Variants in TRIP12 observed in about 807,000 individuals in gnomAD.
TRIP12 encodes the protein E3 ubiquitin-protein ligase TRIP12.
TRIP12 carries 25 observed loss-of-function variants against 244.2 expected under a neutral mutation model. The observed-to-expected ratio is 0.10, with a 90% CI of 0.07 to 0.14. TRIP12 has a LOEUF of 0.14. Ranked by LOEUF, TRIP12 falls within the 10% of genes least tolerant of loss-of-function variation. The pLI is 1.00. For missense variants in TRIP12, 1,677 were observed against 2,486.4 expected, an observed-to-expected ratio of 0.67 and a Z score of 6.92; for synonymous variants, 905 against 873.1, an observed-to-expected ratio of 1.04 and a Z score of -0.64.
At chr2:229,813,374 T>C (rs1013686777) in intron 13 of TRIP12, among the ~76,000 whole-genome samples, 27 of 152,210 alleles carry the variant, frequency 1.8e-4, no homozygotes, top group African/African-American at 6.3e-4. Flanking sequence ...TGAATAAATC[T>C]ACCAAAATTT....
chr2:229,875,011 A>G (rs1050370086), intron 2 of TRIP12, among the ~76,000 whole-genome samples: 4 of 152,208 alleles, frequency 2.6e-5, no homozygotes, highest in African/African-American at 9.6e-5. Flanking sequence ...GAACTGGAAA[A>G]GGCTAGGTAG....
At chr2:229,874,258 C>T (rs769995549) in intron 2 of TRIP12, among the ~76,000 whole-genome samples, 8 of 151,916 alleles carry the variant, frequency 5.3e-5, no homozygotes, top group Non-Finnish European at 1.0e-4. Context: ...ATTCTTTTTC[C>T]CCACAAACTT....
In TRIP12 at chr2:229,859,549, T is replaced by C. The variant is rs373990630; in HGVS notation, c.250A>G (p.Ile84Val). ...TCTGGATCCTCTGGTTGTGGAACTATCACAGCAGATGATGAACTGCAGCTT... is the reference window on the plus strand; with the variant it reads ...TCTGGATCCTCTGGTTGTGGAACTACCACAGCAGATGATGAACTGCAGCTT... Reference protein sequence around the residue: ...KRSCSSSSAVIVPQPEDPDRA... With the variant: ...KRSCSSSSAVVVPQPEDPDRA... The change falls in exon 4 of 42, where the codon ATA (isoleucine) becomes GTA (valine). Residue 84 changes from isoleucine to valine, a missense_variant. Ile to Val is a conservative substitution (Grantham distance 29, BLOSUM62 3). This residue lies in a region of TRIP12 where 387 missense variants were observed against 392.6 expected (regional missense o/e 0.99). Coordinates refer to ENST00000675903, the MANE Select transcript of TRIP12 (RefSeq NM_001348323.3). 6.2e-7 allele frequency: 1 copy of C among 1,613,480 alleles called. No individual in the cohort carries two copies. The highest frequency in any genetic ancestry group is 1.3e-5 in the African/African-American group (1 of 74,872).
chr2:229,856,279 A>C (rs1317959919), intron 4 of TRIP12, among the ~76,000 whole-genome samples: 2 of 152,190 alleles, frequency 1.3e-5, no homozygotes, highest in East Asian at 3.9e-4. Context: ...AATAATGGTG[A>C]AATGAGTTTT....
chr2:229,821,233 C>A (rs149413923), intron 8 of TRIP12, among the ~76,000 whole-genome samples: 340 of 152,246 alleles, frequency 2.2e-3, no homozygotes, highest in African/African-American at 7.9e-3. Context: ...AAGATCCCAC[C>A]AGTTTTACCC....
chr2:229,820,447 G>A (rs1399599343), intron 8 of TRIP12, among the ~76,000 whole-genome samples: 2 of 152,078 alleles, frequency 1.3e-5, no homozygotes, highest in Non-Finnish European at 2.9e-5. Context: ...TAGAGCAGTG[G>A]ATTTTGAATT....
intron 6 of TRIP12, among the ~76,000 whole-genome samples, chr2:229,831,588 G>A (rs1231369277): frequency 6.6e-6 from 1 of 152,184 alleles, no homozygotes; most frequent in African/African-American, 2.4e-5. Context: ...CCGTGATCGT[G>A]CCACTGCACT....
intron 18 of TRIP12, 32 bp from the exon 19 acceptor site, chr2:229,804,259 C>A (rs1030924591): frequency 1.1e-5 from 17 of 1,529,670 alleles, no homozygotes; most frequent in Non-Finnish European, 1.4e-5. Context: ...TATGTGCAAT[C>A]CTGAAGTGAC....
At chr2:229,842,393 T>C (rs1200173989) in intron 4 of TRIP12, among the ~76,000 whole-genome samples, 2 of 152,236 alleles carry the variant, frequency 1.3e-5, no homozygotes, top group Non-Finnish European at 2.9e-5. Flanking sequence ...AGCTTGGTAA[T>C]ACATTTGGCT....
Position 229,859,361 on chromosome 2 carries a change from T to C in TRIP12, c.438A>G (p.Thr146=), listed in dbSNP as rs376241760. ...ALQHTESPSE[T]NKPHSKSKKR... ...TCTTTGACTTACTATGTGGCTTATT[T>C]GTTTCTGAGGGAGATTCAGTATGCT... The change falls in exon 4 of 42, where the codon ACA becomes ACG. Residue 146 remains threonine (T), a synonymous_variant. Coordinates refer to ENST00000675903, the MANE Select transcript of TRIP12 (RefSeq NM_001348323.3). 7 of 1,614,252 alleles carry C rather than the reference T, an allele frequency of 4.3e-6. No individual in the cohort carries two copies. Among genetic ancestry groups the C allele is most frequent in the Admixed American group, 3.3e-5 (2 of 60,028 alleles).
Position 229,767,144 on chromosome 2 carries a change from T to A in TRIP12, c.*410A>T, listed in dbSNP as rs903516155. 1.3e-5 allele frequency: 2 copies of A among 159,868 alleles called. No individual in the cohort carries two copies. The highest frequency in any genetic ancestry group is 2.7e-5 in the Non-Finnish European group (2 of 73,198). The allele number at this position is 159,868 out of a possible 1,614,324, so 9.9% of individuals were successfully genotyped here. A position where few individuals can be genotyped will look rare whatever the true frequency, so the allele number is the denominator to read the frequency against. On this transcript the variant is annotated 3_prime_UTR_variant, in exon 42 of 42. Transcript: ENST00000675903. ...ATGTGAGCTTAAATTTCTGTACTTA[T>A]GTACAAGAGTTGTCTTTGGAGGAAA...
intron 1 of TRIP12, among the ~76,000 whole-genome samples, chr2:229,908,458 T>C (rs2073450325): frequency 6.6e-6 from 1 of 152,142 alleles, no homozygotes; most frequent in Admixed American, 6.6e-5. Context: ...GTTTAAGAGA[T>C]TTTAGGCCGG....
At chr2:229,855,029 C>T (rs749253577) in intron 4 of TRIP12, among the ~76,000 whole-genome samples, 57 of 152,104 alleles carry the variant, frequency 3.7e-4, no homozygotes, top group Non-Finnish European at 7.8e-4. Context: ...TCTGGGAGGC[C>T]GCGGGGGATG....
At position 229,859,174 on chromosome 2, in the gene TRIP12, C is replaced by G. The variant is rs202122734; in HGVS notation, c.625G>C (p.Gly209Arg). The G allele has an allele frequency of 2.2e-5, 36 of 1,614,120 alleles. No individual in the cohort carries two copies. The highest frequency in any genetic ancestry group is 3.0e-5 in the Non-Finnish European group (35 of 1,180,020). ...GGTTTCGCAGATCTCTCTTCTGCACCAGTTGATTCAGACCCGGAGCCACTC... is the reference window on the plus strand; with the variant it reads ...GGTTTCGCAGATCTCTCTTCTGCACGAGTTGATTCAGACCCGGAGCCACTC... ...VKSGSGSEST[G>R]AEERSAKPTK... The change falls in exon 4 of 42, where the codon GGT (glycine) becomes CGT (arginine). Residue 209 changes from glycine to arginine, a missense_variant. Physicochemically the swap from Gly to Arg is moderately radical, Grantham distance 125. Transcript: ENST00000675903.
At chr2:229,821,992 T>C (rs528138422) in intron 8 of TRIP12, among the ~76,000 whole-genome samples, 26 of 152,210 alleles carry the variant, frequency 1.7e-4, no homozygotes, top group African/African-American at 6.3e-4. Context: ...ATACAAAAAT[T>C]AGCCGGGCGC....
intron 5 of TRIP12, 77 bp downstream of exon 5, chr2:229,840,745 T>A: frequency 2.0e-6 from 2 of 980,958 alleles, no homozygotes; most frequent in African/African-American, 1.7e-5. Context: ...ACCTATGGAG[T>A]TAAGTATTTT....
Position 229,815,246 on chromosome 2 carries a change from C to G in TRIP12, c.1635+27G>C, listed in dbSNP as rs180934231. The G allele has an allele frequency of 6.8e-5, 104 of 1,540,104 alleles. No homozygotes were observed. In the African/African-American group the frequency reaches 1.2e-3, roughly 18 times the overall value. ...AAAAACTCAAAACTTAAATATACAC[C>G]ATTAAAAAAATACAATATATACTTA... On this transcript the variant is annotated intron_variant, in intron 10 of 41. Coordinates refer to ENST00000675903, the MANE Select transcript of TRIP12 (RefSeq NM_001348323.3).
intron 6 of TRIP12, among the ~76,000 whole-genome samples, chr2:229,836,602 A>G (rs2054885614): frequency 6.6e-6 from 1 of 152,198 alleles, no homozygotes. Context: ...ACACTAGTCA[A>G]TATATAAAAA....
chr2:229,871,830 A>C (rs1167246104), intron 2 of TRIP12, among the ~76,000 whole-genome samples: 1 of 152,150 alleles, frequency 6.6e-6, no homozygotes, highest in Non-Finnish European at 1.5e-5. Context: ...GTCTTATAGA[A>C]GACAATTTTC....
Sources: gnomAD v4.1 joint callset for allele counts (sites outside exome capture counted in the v4.1 genomes callset) on GRCh38, gnomAD v4.1.1 for gene constraint, gnomAD v4.1.1 regional missense constraint, MANE v1.5 for transcripts, NCBI Gene and HGNC (gene_info 2026-07-23, HGNC 2026-07-21) for gene names.